Variants in LCN15 observed in about 807,000 individuals in gnomAD.
The protein encoded by LCN15 is lipocalin-15.
LCN15 carries 26 observed loss-of-function variants against 23.1 expected under a neutral mutation model. That is an observed-to-expected ratio of 1.13 (90% CI 0.82 to 1.56). The LOEUF (loss-of-function observed/expected upper bound fraction) is 1.56. Among genes scored for constraint, LCN15 ranks in the 40% most tolerant of loss-of-function variants. The pLI is 0.00. For missense variants in LCN15, 241 were observed against 239.5 expected, an observed-to-expected ratio of 1.01 and a Z score of -0.04; for synonymous variants, 107 against 98.3, an observed-to-expected ratio of 1.09 and a Z score of -0.52.
In LCN15 at chr9:136,761,851, C is replaced by A; in HGVS notation, c.523G>T (p.Ala175Ser). 7.5e-7 allele frequency: 1 copy of A among 1,332,788 alleles called. No homozygotes were observed. The highest frequency in any genetic ancestry group is 3.6e-5 in the Admixed American group (1 of 27,642). 82.6% of individuals were successfully genotyped at this position (1,332,788 alleles called of 1,614,324 possible). The change falls in exon 6 of 7, where the codon GCA (alanine) becomes TCA (serine). Residue 175 changes from alanine (A) to serine (S), a missense_variant and splice_region_variant. By Grantham distance (99) the Ala-to-Ser change is moderately conservative. Transcript: ENST00000316144. This position sits in a 1 kb window ranked among gnomAD's most constrained non-coding sequence, Gnocchi z 4.2. Reference protein sequence around the residue: ...DMMVMLPQSDACNPESKEAP With the variant: ...DMMVMLPQSDSCNPESKEAP ...GCCTCCTTGCTCTCAGGGTTGCATG[C>A]ATCTGTGGGGAGGAAGACATCCGTG...
chr9:136,762,401 T>G (rs866666923), intron 4 of LCN15, 112 bp from the exon 5 acceptor site: 1 of 697,944 alleles, frequency 1.4e-6, no homozygotes, highest in Middle Eastern at 2.4e-4. Flanking sequence ...CCACCCTGGG[T>G]TGGGCAGGTT....
chr9:136,763,376 G>T lies in LCN15; in HGVS notation c.399C>A (p.Ser133Arg), dbSNP rs1290318558. Reference protein sequence around the residue: ...YIYKELEGALSTMVQLYSRTQ... With the variant: ...YIYKELEGALRTMVQLYSRTQ... ...ACTCACTGTAGAGCTGCACCATGGT[G>T]CTGAGGGCCCCCTCCAGCTCCTTGT... Residue 133 changes from serine to arginine, a missense_variant, in exon 4 of 7, where the codon AGC (serine) becomes AGA (arginine). By Grantham distance (110) the Ser-to-Arg change is moderately radical (BLOSUM62 -1). Transcript: ENST00000316144. 1 of 1,593,884 alleles carries T rather than the reference G, an allele frequency of 6.3e-7. No individual in the cohort carries two copies. Among genetic ancestry groups the T allele is most frequent in the South Asian group, 1.1e-5 (1 of 88,828 alleles).
Position 136,761,967 on chromosome 9 carries a change from G to C in LCN15, c.521-114C>G, listed in dbSNP as rs183470804. The C allele has an allele frequency of 2.0e-3, 1,832 of 909,384 alleles. 5 individuals are homozygous for C. Among genetic ancestry groups the C allele is most frequent in the Non-Finnish European group, 2.5e-3 (1,612 of 645,266 alleles). 56.3% of individuals were successfully genotyped at this position (909,384 alleles called of 1,614,324 possible). A position where few individuals can be genotyped will look rare whatever the true frequency, so the allele number is the denominator to read the frequency against. On this transcript the variant is annotated intron_variant, in intron 5 of 6. Coordinates refer to ENST00000316144, the MANE Select transcript of LCN15 (RefSeq NM_203347.2). The surrounding 1 kb of genome is among the most constrained non-coding windows in gnomAD (Gnocchi z 4.2). ...TGGACAGCTCCACCATCCCCAGAGA[G>C]TGGAGCCCAGAGCTTCCCTCCCAGC...
At chr9:136,759,969 G>C (rs944833302) in intron 6 of LCN15, among the ~76,000 whole-genome samples, 186 bp from the exon 7 acceptor site, 2 of 105,918 alleles carry the variant, frequency 1.9e-5, no homozygotes, top group Non-Finnish European at 2.2e-5. Context: ...CAGGCGAGAG[G>C]CTGCCCCAGA....
At chr9:136,760,496 C>T (rs1847305124) in intron 6 of LCN15, among the ~76,000 whole-genome samples, 2 of 152,188 alleles carry the variant, frequency 1.3e-5, no homozygotes, top group African/African-American at 4.8e-5. Context: ...GCCTCAGAGC[C>T]GCCCACCTCC....
intron 4 of LCN15, among the ~76,000 whole-genome samples, chr9:136,762,922 T>TTAAAAA (rs1554764182): frequency 3.8e-5 from 4 of 104,890 alleles, no homozygotes; most frequent in African/African-American, 1.6e-4. Flanking sequence ...GACTCCATAT[T>TTAAAAA]AAAAAAAAAA....
At position 136,761,181 on chromosome 9, in the gene LCN15, C is replaced by A. The variant is rs950024223; in HGVS notation, c.*32+606G>T. ...GTGTGGGAGGGAGTCTCCTTCAGAG[C>A]TTCCAGAGGAACCAGCCCTGTGGAC... On this transcript the variant is annotated intron_variant, in intron 6 of 6. Transcript: ENST00000316144. This position sits in a 1 kb window ranked among gnomAD's most constrained non-coding sequence, Gnocchi z 4.2. 6.6e-6 allele frequency among the ~76,000 whole-genome samples: 1 copy of A among 152,208 alleles called. No homozygotes were observed. The highest frequency in any genetic ancestry group is 2.4e-5 in the African/African-American group (1 of 41,444).
At chr9:136,763,244 C>T (rs1847340121) in intron 4 of LCN15, 113 bp downstream of exon 4, 9 of 571,642 alleles carry the variant, frequency 1.6e-5, no homozygotes, top group Non-Finnish European at 2.6e-5. Context: ...AGGGCGGGGC[C>T]TGTGAGGAGG....
chr9:136,762,282 G>A lies in LCN15; in HGVS notation c.426C>T (p.Thr142=). Residue 142 remains threonine (T), a synonymous_variant, in exon 5 of 7, where the codon ACC becomes ACT. Coordinates refer to ENST00000316144, the MANE Select transcript of LCN15 (RefSeq NM_203347.2). Reference sequence around the variant, plus strand: ...TCAGAGCCTGGGGACTCACATCCTGGGTCCGGCCTGGGCAGAGCAGAGGTC... The same window carrying A: ...TCAGAGCCTGGGGACTCACATCCTGAGTCCGGCCTGGGCAGAGCAGAGGTC... ...LSTMVQLYSR[T]QDVSPQALKS... 6.3e-7 allele frequency: 1 copy of A among 1,578,640 alleles called. No individual in the cohort carries two copies. The highest frequency in any genetic ancestry group is 8.6e-7 in the Non-Finnish European group (1 of 1,158,114).
Position 136,762,218 on chromosome 9 carries a change from T to C in LCN15, c.490A>G (p.Lys164Glu), listed in dbSNP as rs2297722. 0.76 allele frequency: 1,214,795 copies of C among 1,594,062 alleles called. 465,109 individuals carry two copies. The highest frequency in any genetic ancestry group is 0.86 in the East Asian group (37,792 of 43,858). The change falls in exon 5 of 7, where the codon AAG (lysine) becomes GAG (glutamate). Residue 164 changes from lysine (K) to glutamate (E), a missense_variant. Physicochemically the swap from Lys to Glu is moderately conservative, Grantham distance 56. Transcript: ENST00000316144. ...TGGGGCAGCATGACCATCATGTCCT[T>C]GGGGAGCCCCAGGGTCGGGTAGAAG... Reference protein sequence around the residue: ...QDFYPTLGLPKDMMVMLPQSD... With the variant: ...QDFYPTLGLPEDMMVMLPQSD...
At chr9:136,762,165 GT>G in intron 5 of LCN15, 22 bp downstream of exon 5, 7 of 1,413,032 alleles carry the variant, frequency 5.0e-6, no homozygotes, top group South Asian at 1.2e-5. Flanking sequence ...GGGGCATGGG[GT>G]GGGCGGGGCT....
intron 4 of LCN15, among the ~76,000 whole-genome samples, chr9:136,762,935 A>AAAG (rs1391618943): frequency 6.8e-6 from 1 of 147,560 alleles, no homozygotes; most frequent in Non-Finnish European, 1.5e-5. Context: ...AAAAAAAAAA[A>AAAG]AAAAAGAACC....
intron 3 of LCN15, 89 bp from the exon 4 acceptor site, chr9:136,763,556 G>A: frequency 8.1e-7 from 1 of 1,236,594 alleles, no homozygotes; most frequent in African/African-American, 1.5e-5. Flanking sequence ...CTGCTGGGCT[G>A]TGAGCCTGTT....
At chr9:136,760,544 G>A (rs553365263) in intron 6 of LCN15, among the ~76,000 whole-genome samples, 6 of 151,832 alleles carry the variant, frequency 4.0e-5, no homozygotes, top group South Asian at 2.1e-4. Context: ...CCCTCCAGAC[G>A]CCGGTGACTG....
At chr9:136,760,671 G>A (rs1190366470) in intron 6 of LCN15, among the ~76,000 whole-genome samples, 5 of 152,232 alleles carry the variant, frequency 3.3e-5, no homozygotes, top group East Asian at 1.9e-4. Flanking sequence ...GACCCCGCCC[G>A]CACGTGGCTC....
At chr9:136,760,282 G>A (rs1434298111) in intron 6 of LCN15, among the ~76,000 whole-genome samples, 1 of 152,214 alleles carries the variant, frequency 6.6e-6, no homozygotes, top group African/African-American at 2.4e-5. Flanking sequence ...ATTTGGTGTT[G>A]CCCCCCATGT....
Position 136,762,279 on chromosome 9 carries a change from C to T in LCN15, c.429G>A (p.Gln143=). 6.3e-7 allele frequency: 1 copy of T among 1,585,362 alleles called. No individual in the cohort carries two copies. Among genetic ancestry groups the T allele is most frequent in the Non-Finnish European group, 8.6e-7 (1 of 1,163,676 alleles). The change falls in exon 5 of 7, where the codon CAG becomes CAA. Residue 143 remains glutamine, a synonymous_variant. Coordinates refer to ENST00000316144, the MANE Select transcript of LCN15 (RefSeq NM_203347.2). The part of the protein sequence containing the change: ...STMVQLYSRT[Q]DVSPQALKSF... ...ACTTCAGAGCCTGGGGACTCACATC[C>T]TGGGTCCGGCCTGGGCAGAGCAGAG...
rs1847313824 is a variant in LCN15, at chr9:136,761,256, G to A, written c.*32+531C>T. 6.6e-6 allele frequency among the ~76,000 whole-genome samples: 1 copy of A among 152,144 alleles called. No individual in the cohort carries two copies. Among genetic ancestry groups the A allele is most frequent in the South Asian group, 2.1e-4 (1 of 4,826 alleles). ...CCAGAACTGGGAGAGATAAACGTCTGCTGGTTTTGTCTGTTTGTTTTGAGA... is the reference window on the plus strand; with the variant it reads ...CCAGAACTGGGAGAGATAAACGTCTACTGGTTTTGTCTGTTTGTTTTGAGA... On this transcript the variant is annotated intron_variant, in intron 6 of 6. Transcript: ENST00000316144. This position sits in a 1 kb window ranked among gnomAD's most constrained non-coding sequence, Gnocchi z 4.2.
In LCN15 at chr9:136,763,284, T is replaced by G. The variant is rs1023290533; in HGVS notation, c.418+73A>C. ...GGGCGGCAGGCGGGCGGGGCGGGGG[T>G]AGGCAGAACGGGGGGCGGGGCCTGT... is the stretch of plus-strand genomic sequence containing the variant. On this transcript the variant is annotated intron_variant, in intron 4 of 6. Coordinates refer to ENST00000316144, the MANE Select transcript of LCN15 (RefSeq NM_203347.2). The G allele has an allele frequency of 6.2e-3, 3,512 of 563,230 alleles. 32 individuals are homozygous for G. Among genetic ancestry groups the G allele is most frequent in the East Asian group, 0.037 (917 of 25,002 alleles). 34.9% of individuals were successfully genotyped at this position (563,230 alleles called of 1,614,324 possible). A position where few individuals can be genotyped will look rare whatever the true frequency, so the allele number is the denominator to read the frequency against.
Sources: gnomAD v4.1 joint callset for allele counts (sites outside exome capture counted in the v4.1 genomes callset) on GRCh38, gnomAD v4.1.1 for gene constraint, Gnocchi (gnomAD v3.1) non-coding constraint, MANE v1.5 for transcripts, NCBI Gene and HGNC (gene_info 2026-07-23, HGNC 2026-07-21) for gene names.